The following YAP1 variants were observed in gnomAD, a reference collection of about 807,000 sequenced individuals.
The protein encoded by YAP1 is transcriptional coactivator YAP1.
A neutral mutation model predicts 56.9 loss-of-function variants in YAP1; 5 were observed. That is an observed-to-expected ratio of 0.09 (90% confidence interval 0.05 to 0.18). The LOEUF (loss-of-function observed/expected upper bound fraction) is 0.18, where lower values mean the gene tolerates loss of function less well. Ranked by LOEUF, YAP1 falls within the 10% of genes least tolerant of loss-of-function variation. The pLI, the probability that YAP1 is intolerant of heterozygous loss-of-function variation, is 1.00. For missense variants in YAP1, 539 were observed against 651.8 expected (o/e 0.83, Z 1.88); for synonymous variants, 265 against 248.1 (o/e 1.07, Z -0.64).
chr11:102,203,491 A>T (rs975862304), intron 4 of YAP1, among the ~76,000 whole-genome samples: 1 of 152,194 alleles, frequency 6.6e-6, no homozygotes, highest in South Asian at 2.1e-4. Context: ...TTAGAAATAC[A>T]TGTTAAAATT....
chr11:102,149,902 GA>G (rs1311897852), intron 2 of YAP1, among the ~76,000 whole-genome samples: 1 of 144,926 alleles, frequency 6.9e-6, no homozygotes, highest in African/African-American at 2.5e-5. Context: ...CGTATATGAA[GA>G]AATATAGATT....
chr11:102,227,208 T>G, intron 7 of YAP1: 1 of 388,392 alleles, frequency 2.6e-6, no homozygotes, highest in Non-Finnish European at 4.6e-6. Context: ...TGTCCCTTAT[T>G]GTCACCAAGC....
chr11:102,221,138 T>C (rs1481929735), intron 6 of YAP1, among the ~76,000 whole-genome samples: 1 of 152,180 alleles, frequency 6.6e-6, no homozygotes, highest in Admixed American at 6.5e-5. Context: ...TTAAGAGGCA[T>C]GGAGAATACT....
chr11:102,158,078 T>G (rs1490373978), intron 2 of YAP1, among the ~76,000 whole-genome samples: 1 of 152,204 alleles, frequency 6.6e-6, no homozygotes, highest in Non-Finnish European at 1.5e-5. Context: ...GTTTGTTAGG[T>G]AGCTGTGCAC....
chr11:102,180,607 G>GGGA (rs1947540661), intron 3 of YAP1, among the ~76,000 whole-genome samples: 1 of 150,246 alleles, frequency 6.7e-6, no homozygotes, highest in East Asian at 2.0e-4. Flanking sequence ...GCATGAACCT[G>GGGA]GGAGGTGGAG....
chr11:102,200,595 C>A (rs1169445791), intron 4 of YAP1, among the ~76,000 whole-genome samples: 3 of 151,350 alleles, frequency 2.0e-5, no homozygotes, highest in African/African-American at 7.4e-5. Flanking sequence ...CAGGTGCCTG[C>A]CACCACGCCC....
In YAP1 at chr11:102,158,513, G is replaced by A. The variant is rs539244811; in HGVS notation, c.573-3943G>A. On this transcript the variant is annotated intron_variant, in intron 2 of 8. Coordinates refer to ENST00000282441, the MANE Select transcript of YAP1 (RefSeq NM_001130145.3). ...CATCAGTGGGTTGGGTGGAGCCTGA[G>A]TTTCTGCAGTTTTAACTAGCTCCTG... 3.3e-5 allele frequency among the ~76,000 whole-genome samples: 5 copies of A among 152,294 alleles called. No individual in the cohort carries two copies. In the South Asian group the frequency reaches 1.0e-3, roughly 32 times the overall value.
intron 2 of YAP1, among the ~76,000 whole-genome samples, chr11:102,132,974 A>G (rs570973593): frequency 2.6e-4 from 40 of 152,280 alleles, no homozygotes; most frequent in African/African-American, 8.2e-4. Flanking sequence ...CCTGGCCAAC[A>G]TGGTGAAACC....
At chr11:102,151,512 C>T (rs1175682210) in intron 2 of YAP1, among the ~76,000 whole-genome samples, 1 of 152,220 alleles carries the variant, frequency 6.6e-6, no homozygotes, top group Non-Finnish European at 1.5e-5. Flanking sequence ...TTTCTATCCT[C>T]TATCATTTTA....
At chr11:102,227,198 T>G (rs1809327251) in intron 7 of YAP1, 1 of 337,150 alleles carries the variant, frequency 3.0e-6, no homozygotes, top group Admixed American at 4.5e-5. Context: ...TATCTTTTTT[T>G]GTCCCTTATT....
intron 3 of YAP1, among the ~76,000 whole-genome samples, chr11:102,184,377 A>G (rs896361837): frequency 6.6e-6 from 1 of 152,222 alleles, no homozygotes; most frequent in Admixed American, 6.5e-5. Flanking sequence ...TTTGATATAC[A>G]TGTGATAAAC....
intron 3 of YAP1, among the ~76,000 whole-genome samples, chr11:102,175,033 T>C (rs920482591): frequency 1.3e-5 from 2 of 152,222 alleles, no homozygotes; most frequent in Non-Finnish European, 2.9e-5. Flanking sequence ...AAGAATCTTC[T>C]AAGTACCTAT....
At chr11:102,126,415 C>G (rs1242323926) in intron 2 of YAP1, among the ~76,000 whole-genome samples, 1 of 152,164 alleles carries the variant, frequency 6.6e-6, no homozygotes, top group Non-Finnish European at 1.5e-5. Flanking sequence ...TCACAGGGGC[C>G]TTTCTTTCCC....
rs151310256 is a variant in YAP1 at position 102,151,536 on chromosome 11, A to G, written c.573-10920A>G. On this transcript the variant is annotated intron_variant, in intron 2 of 8. Coordinates refer to ENST00000282441, the MANE Select transcript of YAP1 (RefSeq NM_001130145.3). ...TCTATCATTTTATATTCATTTATAG[A>G]TCATTTTATATTCATTTCTAACCTC... Among the ~76,000 whole-genome samples the G allele has an allele frequency of 4.0e-3, 615 of 152,200 alleles. 2 individuals are homozygous for G. The highest frequency in any genetic ancestry group is 6.8e-3 in the Non-Finnish European group (465 of 68,026).
intron 2 of YAP1, among the ~76,000 whole-genome samples, chr11:102,162,153 A>T (rs1946325045): frequency 6.6e-6 from 1 of 152,220 alleles, no homozygotes; most frequent in African/African-American, 2.4e-5. Flanking sequence ...TACAAACTAC[A>T]TTGTATCTTT....
intron 6 of YAP1, among the ~76,000 whole-genome samples, chr11:102,218,271 G>T (rs919370452): frequency 6.6e-6 from 1 of 152,156 alleles, no homozygotes; most frequent in South Asian, 2.1e-4. Flanking sequence ...ATTGGTTCCA[G>T]CAAGTCCCTT....
chr11:102,126,330 C>A (rs1377875077), intron 2 of YAP1, among the ~76,000 whole-genome samples: 1 of 152,194 alleles, frequency 6.6e-6, no homozygotes, highest in African/African-American at 2.4e-5. Flanking sequence ...TGTGTTCCCA[C>A]TGAAATCTCA....
intron 3 of YAP1, among the ~76,000 whole-genome samples, chr11:102,165,390 T>G: frequency 6.6e-6 from 1 of 152,184 alleles, no homozygotes; most frequent in East Asian, 1.9e-4. Flanking sequence ...TTGTCTTGTT[T>G]GTAAAATATG....
intron 6 of YAP1, among the ~76,000 whole-genome samples, chr11:102,211,158 C>G (rs981758901): frequency 6.6e-6 from 1 of 152,108 alleles, no homozygotes; most frequent in Non-Finnish European, 1.5e-5. Context: ...GTAAAAAGTC[C>G]TCCATGCCAA....
Sources: allele counts gnomAD v4.1 joint callset (sites outside exome capture counted in the v4.1 genomes callset), GRCh38; gene constraint gnomAD v4.1.1; transcripts MANE v1.5; gene names NCBI Gene and HGNC (gene_info 2026-07-23, HGNC 2026-07-21).